The following FAM184B variants were observed in gnomAD, a reference collection of about 807,000 sequenced individuals.
FAM184B encodes family with sequence similarity 184 member B.
FAM184B carries 111 observed loss-of-function variants against 135.9 expected under a neutral mutation model. The ratio of observed to expected loss-of-function variants is 0.82; its 90% CI spans 0.70 to 0.96. The LOEUF is 0.96. FAM184B is among the 40% of genes least tolerant of loss of function. The pLI is 0.00. For synonymous variants in FAM184B, 552 were observed against 524.8 expected (o/e 1.05, Z -0.71); for missense variants, 1,375 against 1,323.9 (o/e 1.04, Z -0.60).
chr4:17,657,571 G>C (rs1715803938), intron 10 of FAM184B, among the ~76,000 whole-genome samples: 1 of 151,642 alleles, frequency 6.6e-6, no homozygotes, highest in Non-Finnish European at 1.5e-5. Context: ...AAACATGCCT[G>C]AACCACCCCA....
chr4:17,664,583 G>T lies in FAM184B; in HGVS notation c.1673C>A (p.Thr558Asn), dbSNP rs1394039693. Residue 558 changes from threonine (T) to asparagine (N), a missense_variant, in exon 8 of 18, where the codon ACC becomes AAC. Thr to Asn is a moderately conservative substitution (Grantham distance 65, BLOSUM62 0). Coordinates refer to ENST00000265018, the MANE Select transcript of FAM184B (RefSeq NM_015688.2). ...GTACCTTTCTTCTTCATCACTGCTG[G>T]TTCCTTCTTCAGCTGCTAACTTATC... is the stretch of plus-strand genomic sequence containing the variant. Reference protein sequence around the residue: ...YQDKLAAEEGTSSDEEERTKV... With the variant: ...YQDKLAAEEGNSSDEEERTKV... The T allele has an allele frequency of 6.4e-7, 1 of 1,550,954 alleles. No homozygotes were observed. Among genetic ancestry groups the T allele is most frequent in the Non-Finnish European group, 8.7e-7 (1 of 1,146,794 alleles).
chr4:17,705,218 A>G lies in FAM184B; in HGVS notation c.1171-12T>C, dbSNP rs1717080189. ...GCCTCTTTCTTGGTCTATAAAAAGAAAAAGGACCTTGTAAAACCACTGGGG... is the reference window on the plus strand; with the variant it reads ...GCCTCTTTCTTGGTCTATAAAAAGAGAAAGGACCTTGTAAAACCACTGGGG... On this transcript the variant is annotated splice_polypyrimidine_tract_variant and intron_variant, in intron 4 of 17. Transcript: ENST00000265018. 6.5e-7 allele frequency: 1 copy of G among 1,548,624 alleles called. No individual in the cohort carries two copies. The highest frequency in any genetic ancestry group is 1.4e-5 in the African/African-American group (1 of 72,922).
At chr4:17,660,191 G>A (rs1011191408) in intron 8 of FAM184B, 104 bp from the exon 9 acceptor site, 45 of 1,338,574 alleles carry the variant, frequency 3.4e-5, no homozygotes, top group Admixed American at 1.8e-4. Context: ...AGAAAGCTCC[G>A]ATAGCAGTTA....
At chr4:17,739,880 A>G (rs1036169919) in intron 1 of FAM184B, among the ~76,000 whole-genome samples, 1 of 151,984 alleles carries the variant, frequency 6.6e-6, no homozygotes, top group African/African-American at 2.4e-5. Flanking sequence ...TTAACTGTCT[A>G]CATCTGGACT....
intron 7 of FAM184B, among the ~76,000 whole-genome samples, chr4:17,688,061 C>T (rs563121784): frequency 3.2e-4 from 49 of 152,170 alleles, no homozygotes; most frequent in African/African-American, 1.1e-3. Flanking sequence ...GGCAGACAGC[C>T]GGGGCAAGAG....
In FAM184B at chr4:17,722,567, C is replaced by T. The variant is rs185013126; in HGVS notation, c.142-12923G>A. ...ACATCAGCTTCTGAGTAATTGAAAC[C>T]CAACTGTTCTCCAAACCAATTTAGG... On this transcript the variant is annotated intron_variant, in intron 1 of 17. Coordinates refer to ENST00000265018, the MANE Select transcript of FAM184B (RefSeq NM_015688.2). 5.4e-3 allele frequency among the ~76,000 whole-genome samples: 825 copies of T among 152,294 alleles called. 8 individuals are homozygous for T. The highest frequency in any genetic ancestry group is 9.2e-3 in the Non-Finnish European group (626 of 68,030).
intron 1 of FAM184B, among the ~76,000 whole-genome samples, chr4:17,737,985 T>G (rs1039253854): frequency 1.3e-5 from 2 of 152,178 alleles, no homozygotes; most frequent in Non-Finnish European, 2.9e-5. Flanking sequence ...CAGCTGGATA[T>G]AGACTGTCAG....
chr4:17,645,622 C>G (rs1224955110), intron 12 of FAM184B, among the ~76,000 whole-genome samples: 2 of 151,968 alleles, frequency 1.3e-5, no homozygotes, highest in East Asian at 3.9e-4. Flanking sequence ...ACCATAAAAA[C>G]CCTAGAAGAA....
Position 17,636,456 on chromosome 4 carries a change from T to G in FAM184B, c.2784+72A>C, listed in dbSNP as rs149435417. ...CACCTAGAGAAATGCTGGGTGCAAG[T>G]GAACGCCCCTCCCGGGGGAGCCCGC... On this transcript the variant is annotated intron_variant, in intron 15 of 17. Transcript: ENST00000265018. 3,515 of 1,163,934 alleles carry G rather than the reference T, an allele frequency of 3.0e-3. 94 individuals are homozygous for G. In the African/African-American group the frequency reaches 0.048, roughly 16 times the overall value. The allele number at this position is 1,163,934 out of a possible 1,614,324, so 72.1% of individuals were successfully genotyped here.
chr4:17,664,508 A>C, intron 8 of FAM184B, 54 bp downstream of exon 8: 3 of 1,314,772 alleles, frequency 2.3e-6, no homozygotes, highest in Non-Finnish European at 3.2e-6. Flanking sequence ...GAATCCTTCC[A>C]CATCTGAGTC....
Position 17,705,684 on chromosome 4 carries a change from C to T in FAM184B, c.1170+68G>A, listed in dbSNP as rs996279494. Reference sequence around the variant, plus strand: ...ACTATGCTTGGGGACTGGCCTCTACCTGACGCTTATAATAGATAGCAAAGC... The same window carrying T: ...ACTATGCTTGGGGACTGGCCTCTACTTGACGCTTATAATAGATAGCAAAGC... On this transcript the variant is annotated intron_variant, in intron 4 of 17. Coordinates refer to ENST00000265018, the MANE Select transcript of FAM184B (RefSeq NM_015688.2). 10 of 1,528,650 alleles carry T rather than the reference C, an allele frequency of 6.5e-6. No homozygotes were observed. The Admixed American group carries it at 2.0e-4, about 31-fold the overall frequency. 94.7% of individuals were successfully genotyped at this position (1,528,650 alleles called of 1,614,324 possible).
chr4:17,639,005 T>C (rs1159102480), intron 14 of FAM184B, among the ~76,000 whole-genome samples: 1 of 152,084 alleles, frequency 6.6e-6, no homozygotes, highest in Non-Finnish European at 1.5e-5. Flanking sequence ...CCTGTAATTT[T>C]GTATTTTCAG....
At chr4:17,684,562 ATTTG>A in intron 7 of FAM184B, among the ~76,000 whole-genome samples, 1 of 152,348 alleles carries the variant, frequency 6.6e-6, no homozygotes, top group African/African-American at 2.4e-5. Context: ...TTTTCCAGCT[ATTTG>A]TTTATGCACA....
At chr4:17,695,340 A>AT (rs1716831379) in intron 5 of FAM184B, among the ~76,000 whole-genome samples, 12 of 151,890 alleles carry the variant, frequency 7.9e-5, no homozygotes, top group Admixed American at 6.6e-4. Flanking sequence ...TTTAAAAAAA[A>AT]ATTTTTTTAG....
At chr4:17,757,049 T>G (rs1718440313) in intron 1 of FAM184B, among the ~76,000 whole-genome samples, 2 of 152,222 alleles carry the variant, frequency 1.3e-5, no homozygotes, top group Non-Finnish European at 2.9e-5. Flanking sequence ...AGACAGTATC[T>G]TCCTTCTGAT....
chr4:17,645,204 C>G (rs565669940), intron 12 of FAM184B, among the ~76,000 whole-genome samples: 2 of 152,324 alleles, frequency 1.3e-5, no homozygotes, highest in Admixed American at 6.5e-5. Flanking sequence ...CTACCAATGA[C>G]TTTCTTCACA....
rs1472183260 is a variant in FAM184B at position 17,631,736 on chromosome 4, C to T, written c.*796G>A. 1 of 152,188 alleles carries T rather than the reference C, an allele frequency of 6.6e-6. No individual in the cohort carries two copies. Among genetic ancestry groups the T allele is most frequent in the East Asian group, 1.9e-4 (1 of 5,200 alleles). 9.4% of individuals were successfully genotyped at this position (152,188 alleles called of 1,614,324 possible). A position where few individuals can be genotyped will look rare whatever the true frequency, so the allele number is the denominator to read the frequency against. ...TATTCAGTCCAAGCATGCTACCATCCATTTCTGGTAGGTTTGGTTTGTTTT... is the reference window on the plus strand; with the variant it reads ...TATTCAGTCCAAGCATGCTACCATCTATTTCTGGTAGGTTTGGTTTGTTTT... On this transcript the variant is annotated 3_prime_UTR_variant, in exon 18 of 18. Coordinates refer to ENST00000265018, the MANE Select transcript of FAM184B (RefSeq NM_015688.2).
chr4:17,709,231 C>G lies in FAM184B; in HGVS notation c.555G>C (p.Ser185=), dbSNP rs1717191644. The change falls in exon 2 of 18, where the codon TCG becomes TCC. Residue 185 remains serine, a synonymous_variant. Coordinates refer to ENST00000265018, the MANE Select transcript of FAM184B (RefSeq NM_015688.2). ...RLPQESPETK[S]EPGQGPEMQE... is the part of the protein sequence containing the mutation. ...GCATCTCCGGGCCCTGGCCTGGCTC[C>G]GACTTGGTTTCAGGGCTCTCCTGGG... is the stretch of plus-strand genomic sequence containing the variant. 2 of 1,546,796 alleles carry G rather than the reference C, an allele frequency of 1.3e-6. No homozygotes were observed. The highest frequency in any genetic ancestry group is 1.4e-5 in the African/African-American group (1 of 73,002).
intron 8 of FAM184B, among the ~76,000 whole-genome samples, chr4:17,662,628 G>A (rs1469989421): frequency 6.6e-6 from 1 of 152,208 alleles, no homozygotes; most frequent in Non-Finnish European, 1.5e-5. Flanking sequence ...GTGAGCCACT[G>A]TGCCCGGCAA....
Sources: gnomAD v4.1 joint callset for allele counts (sites outside exome capture counted in the v4.1 genomes callset) on GRCh38, gnomAD v4.1.1 for gene constraint, MANE v1.5 for transcripts, NCBI Gene and HGNC (gene_info 2026-07-23, HGNC 2026-07-21) for gene names.